Variants in CENPU observed in about 807,000 individuals in gnomAD.
The protein encoded by CENPU is centromere protein U.
In CENPU, 46 loss-of-function variants were observed where a neutral mutation model predicts 56.7. The observed-to-expected ratio is 0.81, with a 90% CI of 0.64 to 1.04. The LOEUF is 1.04. CENPU is among the 50% of genes least tolerant of loss of function. CENPU has a pLI of 0.00. For synonymous variants in CENPU, 166 were observed against 163.0 expected, an observed-to-expected ratio of 1.02 and a Z score of -0.14; for missense variants, 510 against 490.1, an observed-to-expected ratio of 1.04 and a Z score of -0.38.
intron 7 of CENPU, 74 bp downstream of exon 7, chr4:184,712,870 A>G (rs1290292202): frequency 1.9e-6 from 2 of 1,046,924 alleles, no homozygotes; most frequent in African/African-American, 3.3e-5. Flanking sequence ...CTACTATAAC[A>G]AATTAAGAAT....
chr4:184,720,098 A>C (rs1266718953), intron 4 of CENPU, among the ~76,000 whole-genome samples: 1 of 152,194 alleles, frequency 6.6e-6, no homozygotes, highest in African/African-American at 2.4e-5. Context: ...GAGAATTCAA[A>C]ATAGCTGTTC....
rs1275546825 is a variant in CENPU, at chr4:184,694,463, CAT to C, written c.*823_*824del. ...CAACATAGAGTATAAGGTTAAATCA[CAT>C]ATCCTGAGTAAATATTTTCCTATCC... On this transcript the variant is annotated 3_prime_UTR_variant, in exon 13 of 13. Coordinates refer to ENST00000281453, the MANE Select transcript of CENPU (RefSeq NM_024629.4). 34 of 1,566,400 alleles carry C rather than the reference CAT, an allele frequency of 2.2e-5. No individual in the cohort carries two copies. The highest frequency in any genetic ancestry group is 2.9e-5 in the Non-Finnish European group (33 of 1,153,980).
chr4:184,714,355 A>C (rs1485413623), intron 6 of CENPU, among the ~76,000 whole-genome samples: 1 of 152,198 alleles, frequency 6.6e-6, no homozygotes, highest in East Asian at 1.9e-4. Flanking sequence ...GGGACAGGTA[A>C]AAGACTATAG....
At position 184,695,377 on chromosome 4, in the gene CENPU, G is replaced by A; in HGVS notation, c.1168C>T (p.Leu390=). 1 of 1,612,858 alleles carries A rather than the reference G, an allele frequency of 6.2e-7. No individual in the cohort carries two copies. The highest frequency in any genetic ancestry group is 1.7e-5 in the Admixed American group (1 of 59,998). ...AGAAGTGTTCTTGCTTTAAATAACA[G>A]AGCTGGAAGGCTGGATGAATCATAC... The part of the protein sequence containing the change: ...ETYDSSSLPA[L]LFKARTLLGA... Residue 390 remains leucine, a synonymous_variant, in exon 13 of 13, where the codon CTG becomes TTG. Transcript: ENST00000281453.
At position 184,729,032 on chromosome 4, in the gene CENPU, C is replaced by T; in HGVS notation, c.100G>A (p.Ala34Thr). 1.2e-6 allele frequency: 2 copies of T among 1,611,706 alleles called. No individual in the cohort carries two copies. Among genetic ancestry groups the T allele is most frequent in the Non-Finnish European group, 1.7e-6 (2 of 1,178,464 alleles). Residue 34 changes from alanine (A) to threonine (T), a missense_variant, in exon 3 of 13, where the codon GCT (alanine) becomes ACT (threonine). Transcript: ENST00000281453. ...TCAATAGGCTTGCACTTTTGACCAG[C>T]TTTCTAAAAGTGAATAAAGTTGAGT... ...LERTHSMKDK[A>T]GQKCKPIDVF... is the part of the protein sequence containing the mutation.
intron 8 of CENPU, among the ~76,000 whole-genome samples, chr4:184,709,727 A>G (rs958754499): frequency 2.6e-5 from 4 of 151,920 alleles, no homozygotes; most frequent in East Asian, 1.9e-4. Flanking sequence ...TAGAGATTCT[A>G]TCTAGATCTA....
At chr4:184,715,681 TACA>T (rs1466123989) in intron 6 of CENPU, among the ~76,000 whole-genome samples, 1 of 152,180 alleles carries the variant, frequency 6.6e-6, no homozygotes, top group Admixed American at 6.5e-5. Context: ...AATATTTAGC[TACA>T]ACAAAATTCA....
intron 11 of CENPU, chr4:184,699,619 A>G: frequency 3.1e-6 from 4 of 1,288,530 alleles, no homozygotes; most frequent in Non-Finnish European, 4.0e-6. Flanking sequence ...TTAGAAACCA[A>G]CAGATTAGAC....
At chr4:184,726,074 A>G (rs1761440788) in intron 3 of CENPU, among the ~76,000 whole-genome samples, 3 of 152,192 alleles carry the variant, frequency 2.0e-5, no homozygotes, top group Admixed American at 2.0e-4. Flanking sequence ...TTTTTCAACT[A>G]AACAGCTGCT....
In CENPU at chr4:184,700,840, T is replaced by C. The variant is rs765753024; in HGVS notation, c.966A>G (p.Glu322=). The change falls in exon 11 of 13, where the codon GAA becomes GAG. Residue 322 remains glutamate, a synonymous_variant. Transcript: ENST00000281453. The stretch of plus-strand genomic sequence containing the variant: ...CTTACCGAAGCAGTTCATCCTGGAC[T>C]TCAATCATACGCTGCCTTTTCTTTT... ...DIEKKRQRMI[E]VQDELLRLEP... The C allele has an allele frequency of 6.2e-7, 1 of 1,614,008 alleles. No homozygotes were observed. The highest frequency in any genetic ancestry group is 1.3e-5 in the African/African-American group (1 of 75,052).
Position 184,702,414 on chromosome 4 carries a change from C to T in CENPU, c.825G>A (p.Lys275=), listed in dbSNP as rs756420418. The T allele has an allele frequency of 6.2e-6, 10 of 1,611,426 alleles. No individual in the cohort carries two copies. In the East Asian group the frequency reaches 2.0e-4, roughly 32 times the overall value. The change falls in exon 9 of 13, where the codon AAG becomes AAA. Residue 275 remains lysine (K), a synonymous_variant. Coordinates refer to ENST00000281453, the MANE Select transcript of CENPU (RefSeq NM_024629.4). The stretch of plus-strand genomic sequence containing the variant: ...TAACATAAAATGTGGCGATGGCTGC[C>T]TTACAAACTTTAGATTCTATTCTTT... The part of the protein sequence containing the change: ...HQQRIESKVC[K]AAIATFYVNV...
intron 11 of CENPU, 47 bp downstream of exon 11, chr4:184,700,773 T>A (rs760912471): frequency 6.7e-7 from 1 of 1,500,498 alleles, no homozygotes; most frequent in Non-Finnish European, 9.3e-7. Flanking sequence ...ACACCATCAT[T>A]ACATCCTTTT....
At chr4:184,728,768 A>T (rs949423601) in intron 3 of CENPU, 150 bp downstream of exon 3, 9 of 626,148 alleles carry the variant, frequency 1.4e-5, no homozygotes, top group African/African-American at 1.3e-4. Flanking sequence ...GAGGAAAATT[A>T]ATTCAAATTA....
chr4:184,699,947 G>A (rs546928213), intron 11 of CENPU, among the ~76,000 whole-genome samples: 5 of 152,298 alleles, frequency 3.3e-5, no homozygotes, highest in South Asian at 2.1e-4. Context: ...GTGAGCCACC[G>A]TGCCCGGCCT....
At chr4:184,701,712 T>C (rs531573846) in intron 10 of CENPU, among the ~76,000 whole-genome samples, 1 of 152,304 alleles carries the variant, frequency 6.6e-6, no homozygotes, top group Non-Finnish European at 1.5e-5. Flanking sequence ...TTCTAAAAGG[T>C]TGTGCTTTTC....
rs1759931129 is a variant in CENPU at position 184,694,295 on chromosome 4, TAATTTC to T, written c.*987_*992del. 1 of 1,319,000 alleles carries T rather than the reference TAATTTC, an allele frequency of 7.6e-7. No homozygotes were observed. Among genetic ancestry groups the T allele is most frequent in the African/African-American group, 1.5e-5 (1 of 67,914 alleles). 81.7% of individuals were successfully genotyped at this position (1,319,000 alleles called of 1,614,324 possible). On this transcript the variant is annotated 3_prime_UTR_variant, in exon 13 of 13. Coordinates refer to ENST00000281453, the MANE Select transcript of CENPU (RefSeq NM_024629.4). ...AAAAGTATGTGCACAGAACTGTAGG[TAATTTC>T]AAATTTGGAGTTTCAAGTGTGTCTG... is the stretch of plus-strand genomic sequence containing the variant.
intron 3 of CENPU, among the ~76,000 whole-genome samples, chr4:184,725,399 G>A (rs1215996003): frequency 6.6e-6 from 1 of 152,238 alleles, no homozygotes; most frequent in African/African-American, 2.4e-5. Flanking sequence ...TGAAGCACCT[G>A]GGCTCAAGCG....
intron 6 of CENPU, among the ~76,000 whole-genome samples, chr4:184,715,294 C>A (rs1281932047): frequency 6.6e-6 from 1 of 152,108 alleles, no homozygotes; most frequent in Non-Finnish European, 1.5e-5. Context: ...TATTATATGT[C>A]AAGAATTTTA....
chr4:184,731,318 T>C (rs1218265002), intron 1 of CENPU, among the ~76,000 whole-genome samples: 1 of 152,202 alleles, frequency 6.6e-6, no homozygotes, highest in East Asian at 1.9e-4. Context: ...CCTTTTCTCA[T>C]TTAATTCTAA....
Sources: gnomAD v4.1 joint callset for allele counts (sites outside exome capture counted in the v4.1 genomes callset) on GRCh38, gnomAD v4.1.1 for gene constraint, MANE v1.5 for transcripts, NCBI Gene and HGNC (gene_info 2026-07-23, HGNC 2026-07-21) for gene names.